SARNP: variants seen among roughly 807,000 people sequenced by gnomAD.
SARNP encodes SAP domain-containing ribonucleoprotein.
Under a neutral mutation model 38.1 loss-of-function variants are expected in SARNP, and 5 were observed. The ratio of observed to expected loss-of-function variants is 0.13; its 90% CI spans 0.07 to 0.28. The LOEUF (loss-of-function observed/expected upper bound fraction) is 0.28, where lower values mean the gene tolerates loss of function less well. Among genes scored for constraint, SARNP ranks in the 10% least tolerant of loss-of-function variants. SARNP has a pLI of 1.00. For synonymous variants in SARNP, 84 were observed against 80.6 expected (o/e 1.04, Z -0.23); for missense variants, 180 against 243.9 (o/e 0.74, Z 1.75).
chr12:55,756,603 T>C (rs1878511932), downstream of SARNP: 1 of 152,176 alleles, frequency 6.6e-6, no homozygotes, highest in South Asian at 2.1e-4. Context: ...CGAGCTTATA[T>C]AAAGATTAAG....
intron 1 of SARNP, among the ~76,000 whole-genome samples, chr12:55,814,489 A>G (rs1378750771): frequency 1.3e-5 from 2 of 152,190 alleles, no homozygotes; most frequent in Admixed American, 6.5e-5. Flanking sequence ...CTCCTCTGCA[A>G]TAGTTCCTTT....
At chr12:55,799,571 T>TTTTTTTC (rs779949819) in intron 4 of SARNP, among the ~76,000 whole-genome samples, 3 of 145,954 alleles carry the variant, frequency 2.1e-5, no homozygotes, top group Non-Finnish European at 4.5e-5. Context: ...TTTTTTTTTT[T>TTTTTTTC]TTTTCCCGAG....
downstream of SARNP, chr12:55,755,675 T>C (rs1248307182): frequency 6.6e-6 from 1 of 151,792 alleles, no homozygotes; most frequent in Non-Finnish European, 1.5e-5. Context: ...GCTCAAAGAG[T>C]ATGTGGAGAA....
chr12:55,775,496 GA>G (rs1176536273), intron 9 of SARNP, among the ~76,000 whole-genome samples: 5 of 394 alleles, frequency 0.013, 1 homozygote, highest in African/African-American at 0.041. Flanking sequence ...AGGAGGCAGA[GA>G]TTTGCAGTGA....
At chr12:55,814,073 TAAATA>T (rs1322451949) in intron 1 of SARNP, among the ~76,000 whole-genome samples, 1 of 152,190 alleles carries the variant, frequency 6.6e-6, no homozygotes, top group Non-Finnish European at 1.5e-5. Context: ...CTGAAGAAAT[TAAATA>T]AAATAAGGCC....
downstream of SARNP, chr12:55,755,471 A>G (rs1253075962): frequency 6.6e-6 from 1 of 152,234 alleles, no homozygotes; most frequent in African/African-American, 2.4e-5. Context: ...TATGCAGAGA[A>G]TGTCACAGCT....
chr12:55,758,600 G>A (rs561502937), intron 10 of SARNP, among the ~76,000 whole-genome samples: 3 of 151,822 alleles, frequency 2.0e-5, no homozygotes, highest in Non-Finnish European at 2.9e-5. Context: ...AGCTGAGATC[G>A]CACCACTGCA....
At position 55,791,652 on chromosome 12, in the gene SARNP, G is replaced by A. The variant is rs952380675; in HGVS notation, c.407-1060C>T. ...AGAGGCTGCAGTGAGCTGAGATGGC[G>A]CCACTGTGCTCCAGCCTGGGCGACA... On this transcript the variant is annotated intron_variant, in intron 7 of 10. Coordinates refer to ENST00000336133, the MANE Select transcript of SARNP (RefSeq NM_033082.4). Among the ~76,000 whole-genome samples the A allele has an allele frequency of 1.4e-4, 22 of 152,042 alleles. No individual in the cohort carries two copies. The East Asian group carries it at 3.7e-3, about 25-fold the overall frequency.
chr12:55,759,561 C>A (rs890310067), intron 10 of SARNP, among the ~76,000 whole-genome samples: 2 of 151,930 alleles, frequency 1.3e-5, no homozygotes, highest in Non-Finnish European at 2.9e-5. Flanking sequence ...CAGGCACATG[C>A]CACTGCACCT....
At chr12:55,806,171 T>A (rs536278458) in intron 1 of SARNP, among the ~76,000 whole-genome samples, 1 of 152,196 alleles carries the variant, frequency 6.6e-6, no homozygotes, top group South Asian at 2.1e-4. Flanking sequence ...TGTAACCTTA[T>A]GTGAATAACT....
At chr12:55,797,025 A>T (rs1369012054) in intron 4 of SARNP, among the ~76,000 whole-genome samples, 1 of 152,190 alleles carries the variant, frequency 6.6e-6, no homozygotes, top group African/African-American at 2.4e-5. Context: ...TACCCACGAT[A>T]AATGGAAGGG....
chr12:55,805,688 A>T (rs541513092), intron 1 of SARNP, among the ~76,000 whole-genome samples: 1 of 152,302 alleles, frequency 6.6e-6, no homozygotes, highest in Admixed American at 6.5e-5. Flanking sequence ...CTCTACTAAA[A>T]ATACAAATAT....
intron 8 of SARNP, among the ~76,000 whole-genome samples, chr12:55,789,530 CAAAG>C (rs1879601643): frequency 1.3e-5 from 2 of 152,226 alleles, no homozygotes; most frequent in African/African-American, 4.8e-5. Flanking sequence ...TATCTCCAAA[CAAAG>C]AGAAACTATC....
chr12:55,787,241 T>TAAAAAA (rs4016515), intron 9 of SARNP, among the ~76,000 whole-genome samples: 1,494 of 103,410 alleles, frequency 0.014, 55 homozygotes, highest in African/African-American at 0.045. Context: ...CAAAAAAGAC[T>TAAAAAA]AAAAAAAAAA....
intron 9 of SARNP, among the ~76,000 whole-genome samples, chr12:55,762,779 T>C (rs1214876369): frequency 1.3e-5 from 2 of 151,982 alleles, no homozygotes; most frequent in Admixed American, 6.6e-5. Flanking sequence ...AACCAAGGAG[T>C]TGTCTTTGTC....
chr12:55,762,083 T>C (rs1239658795), intron 9 of SARNP: 1 of 151,968 alleles, frequency 6.6e-6, no homozygotes, highest in Admixed American at 6.6e-5. Context: ...AGGTCAGGAG[T>C]TGGAGACCAG....
intron 9 of SARNP, among the ~76,000 whole-genome samples, chr12:55,787,312 G>A (rs1879528802): frequency 6.6e-6 from 1 of 151,642 alleles, no homozygotes; most frequent in Non-Finnish European, 1.5e-5. Flanking sequence ...GTTCCATAGT[G>A]GCACAATAAT....
chr12:55,803,672 C>T lies in SARNP; in HGVS notation c.93G>A (p.Lys31=), dbSNP rs1880052563. The T allele has an allele frequency of 6.2e-7, 1 of 1,613,492 alleles. No homozygotes were observed. Among genetic ancestry groups the T allele is most frequent in the Admixed American group, 1.7e-5 (1 of 59,972 alleles). ...LARGLETKGI[K]QDLIHRLQAY... ...CCTGGAGTCTGTGGATAAGATCTTG[C>T]TTTATTCCCTTGGTCTCCAAACCAC... The change falls in exon 2 of 11, where the codon AAG becomes AAA. Residue 31 remains lysine (K), a synonymous_variant. Transcript: ENST00000336133.
rs1273897647 is a variant in SARNP at position 55,794,982 on chromosome 12, AAG to A, written c.304-104_304-103del. The A allele has an allele frequency of 2.8e-4, 176 of 619,922 alleles. 2 individuals carry two copies. The highest frequency in any genetic ancestry group is 5.5e-5 in the Non-Finnish European group (20 of 363,958). 38.4% of individuals were successfully genotyped at this position (619,922 alleles called of 1,614,324 possible). A position where few individuals can be genotyped will look rare whatever the true frequency, so the allele number is the denominator to read the frequency against. ...TAAAAAAAAAAAAAAAAAAAAAAAA[AAG>A]AGTCTCACTCTGTCCCCCAGCCTGG... On this transcript the variant is annotated intron_variant, in intron 5 of 10. Transcript: ENST00000336133.
Sources: gnomAD v4.1 joint callset for allele counts (sites outside exome capture counted in the v4.1 genomes callset) on GRCh38, gnomAD v4.1.1 for gene constraint, MANE v1.5 for transcripts, NCBI Gene and HGNC (gene_info 2026-07-23, HGNC 2026-07-21) for gene names.